RANBP2: variants seen among roughly 807,000 people sequenced by gnomAD.
RANBP2 encodes the protein E3 SUMO-protein ligase RanBP2.
Under a neutral mutation model 303.6 loss-of-function variants are expected in RANBP2, and 57 were observed. The observed-to-expected ratio is 0.19, with a 90% CI of 0.15 to 0.23. The LOEUF (loss-of-function observed/expected upper bound fraction) is 0.23, where lower values mean the gene tolerates loss of function less well. Ranked by LOEUF, RANBP2 falls within the 10% of genes least tolerant of loss-of-function variation. RANBP2 has a pLI of 1.00. For missense variants in RANBP2, 3,138 were observed against 3,780.8 expected, an observed-to-expected ratio of 0.83 and a Z score of 4.46; for synonymous variants, 1,167 against 1,301.5, an observed-to-expected ratio of 0.90 and a Z score of 2.23.
the RANBP2 span, among the ~76,000 whole-genome samples, chr2:109,219,168 GGGCTACC>G: frequency 6.6e-6 from 1 of 152,200 alleles, no homozygotes; most frequent in South Asian, 2.1e-4. Flanking sequence ...GAGGATAGAG[GGGCTACC>G]GCCTGGAGCA....
chr2:108,766,326 C>A lies in RANBP2; in HGVS notation c.5787C>A (p.Gly1929=), dbSNP rs139889300. The A allele has an allele frequency of 5.0e-6, 8 of 1,611,892 alleles. No individual in the cohort carries two copies. Among genetic ancestry groups the A allele is most frequent in the Non-Finnish European group, 6.8e-6 (8 of 1,179,842 alleles). ...GTGFQAQDIS[G]QKNGRGVIFG... ...GCTTCCAGGCTCAGGATATTAGTGG[C>A]CAGAAGAATGGCCGTGGTGTGATTT... The change falls in exon 20 of 29, where the codon GGC becomes GGA. Residue 1929 remains glycine (G), a synonymous_variant. Coordinates refer to ENST00000283195, the MANE Select transcript of RANBP2 (RefSeq NM_006267.5).
chr2:108,878,930 AGAAAT>A, the RANBP2 span, among the ~76,000 whole-genome samples: 4 of 152,200 alleles, frequency 2.6e-5, no homozygotes, highest in Non-Finnish European at 5.9e-5. Flanking sequence ...ACACTGAAAA[AGAAAT>A]GAAATATATA....
chr2:108,901,914 G>T, the RANBP2 span, among the ~76,000 whole-genome samples: 1 of 152,040 alleles, frequency 6.6e-6, no homozygotes, highest in Admixed American at 6.6e-5. Flanking sequence ...GACCAGTCTG[G>T]CCAAGATGGT....
the RANBP2 span, among the ~76,000 whole-genome samples, chr2:109,393,752 G>GC: frequency 6.6e-6 from 1 of 152,002 alleles, no homozygotes; most frequent in African/African-American, 2.4e-5. Flanking sequence ...CAGTGCAGGG[G>GC]CCCAGGGGGA....
the RANBP2 span, among the ~76,000 whole-genome samples, chr2:109,183,385 T>C: frequency 6.6e-6 from 1 of 152,198 alleles, no homozygotes; most frequent in Non-Finnish European, 1.5e-5. Context: ...GAACTCTCCC[T>C]TGCTGCTGGG....
chr2:109,189,786 C>G, the RANBP2 span, among the ~76,000 whole-genome samples: 1 of 152,140 alleles, frequency 6.6e-6, no homozygotes, highest in Non-Finnish European at 1.5e-5. Flanking sequence ...TTACAAGTTC[C>G]CCAACAGTGA....
At chr2:108,824,438 G>T in the RANBP2 span, among the ~76,000 whole-genome samples, 1 of 152,026 alleles carries the variant, frequency 6.6e-6, no homozygotes, top group African/African-American at 2.4e-5. Context: ...CTTACACAGG[G>T]TCAGGATAAT....
the RANBP2 span, among the ~76,000 whole-genome samples, chr2:109,103,869 CTG>C: frequency 6.6e-6 from 1 of 151,670 alleles, no homozygotes; most frequent in Non-Finnish European, 1.5e-5. Context: ...TCTCAGCTCA[CTG>C]CAAGCTCTGC....
chr2:109,697,090 TA>T, the RANBP2 span, among the ~76,000 whole-genome samples: 3 of 152,026 alleles, frequency 2.0e-5, no homozygotes, highest in Non-Finnish European at 4.4e-5. Flanking sequence ...TTATGTAAAT[TA>T]AAAAAAAGTT....
At position 108,740,643 on chromosome 2, in the gene RANBP2, T is replaced by C. The variant is rs1448807674; in HGVS notation, c.937T>C (p.Ser313Pro). 6.3e-7 allele frequency: 1 copy of C among 1,597,442 alleles called. No homozygotes were observed. Among genetic ancestry groups the C allele is most frequent in the Non-Finnish European group, 8.5e-7 (1 of 1,179,774 alleles). The change falls in exon 7 of 29, where the codon TCT (serine) becomes CCT (proline). Residue 313 changes from serine (S) to proline (P), a missense_variant. Ser to Pro is a moderately conservative substitution (Grantham distance 74). This residue lies in a region of RANBP2 where 306 missense variants were observed against 381.9 expected (regional missense o/e 0.80). Coordinates refer to ENST00000283195, the MANE Select transcript of RANBP2 (RefSeq NM_006267.5). Reference protein sequence around the residue: ...HSSNVQWRALSELAALCYLIA... With the variant: ...HSSNVQWRALPELAALCYLIA... ...TAGTAATGTTCAATGGCGAGCTCTTTCTGAGCTGGCTGCATTGTGCTATCT... is the reference window on the plus strand; with the variant it reads ...TAGTAATGTTCAATGGCGAGCTCTTCCTGAGCTGGCTGCATTGTGCTATCT...
the RANBP2 span, among the ~76,000 whole-genome samples, chr2:108,813,724 A>G: frequency 2.0e-5 from 3 of 152,204 alleles, no homozygotes; most frequent in East Asian, 3.8e-4. Flanking sequence ...CAAATACAGA[A>G]TACTTCCACT....
chr2:109,032,842 A>C, the RANBP2 span, among the ~76,000 whole-genome samples: 5 of 152,218 alleles, frequency 3.3e-5, no homozygotes, highest in Admixed American at 3.3e-4. Flanking sequence ...TTCCACACAG[A>C]GTTTGCTGAT....
At chr2:109,478,529 G>A in the RANBP2 span, among the ~76,000 whole-genome samples, 1 of 152,266 alleles carries the variant, frequency 6.6e-6, no homozygotes, top group South Asian at 2.1e-4. Context: ...TCAGTCCTTG[G>A]CATTTTTCCT....
chr2:108,846,858 GCTTT>G, the RANBP2 span: 2 of 1,613,610 alleles, frequency 1.2e-6, no homozygotes, highest in Non-Finnish European at 1.7e-6. Flanking sequence ...AAAGACAGCT[GCTTT>G]CTTTAAGAGC....
chr2:109,371,821 A>T, the RANBP2 span: 1 of 730,826 alleles, frequency 1.4e-6, no homozygotes, highest in African/African-American at 1.8e-5. Context: ...GAGAGCTGCT[A>T]TGTGTGGGCT....
the RANBP2 span, among the ~76,000 whole-genome samples, chr2:109,323,143 C>T: frequency 2.0e-5 from 3 of 152,246 alleles, no homozygotes; most frequent in East Asian, 1.9e-4. Context: ...AGAGAGGCCT[C>T]GGCTTCCAGA....
chr2:109,398,040 C>T, the RANBP2 span, among the ~76,000 whole-genome samples: 1 of 152,160 alleles, frequency 6.6e-6, no homozygotes, highest in East Asian at 1.9e-4. Context: ...TGAGTGGAGG[C>T]GGTTACTGAA....
At chr2:109,713,463 G>A in the RANBP2 span, among the ~76,000 whole-genome samples, 1 of 152,160 alleles carries the variant, frequency 6.6e-6, no homozygotes, top group African/African-American at 2.4e-5. Flanking sequence ...ACGTGCCTCT[G>A]AGCTGAGTGA....
chr2:109,366,672 G>A, the RANBP2 span, among the ~76,000 whole-genome samples: 2 of 152,136 alleles, frequency 1.3e-5, no homozygotes, highest in Admixed American at 6.5e-5. Context: ...AGCATAGTGA[G>A]ACCTTGTCTC....
Sources: allele counts gnomAD v4.1 joint callset (sites outside exome capture counted in the v4.1 genomes callset), GRCh38; gene constraint gnomAD v4.1.1; regional missense constraint gnomAD v4.1.1; transcripts MANE v1.5; gene names NCBI Gene and HGNC (gene_info 2026-07-23, HGNC 2026-07-21).